Variants in TRAF3 observed in about 807,000 individuals in gnomAD.
The protein encoded by TRAF3 is TNF receptor associated factor 3, also known as TNF receptor-associated factor 3.
TRAF3 carries 13 observed loss-of-function variants against 62.3 expected under a neutral mutation model. The observed-to-expected ratio is 0.21, with a 90% CI of 0.14 to 0.33. The LOEUF is 0.33. Among genes scored for constraint, TRAF3 ranks in the 10% least tolerant of loss-of-function variants. TRAF3 has a pLI of 1.00. For synonymous variants in TRAF3, 269 were observed against 283.4 expected, an observed-to-expected ratio of 0.95 and a Z score of 0.51; for missense variants, 440 against 741.8, an observed-to-expected ratio of 0.59 and a Z score of 4.73.
intron 3 of TRAF3, among the ~76,000 whole-genome samples, chr14:102,870,706 T>A (rs568985249): frequency 2.4e-4 from 36 of 152,056 alleles, no homozygotes; most frequent in Non-Finnish European, 4.9e-4. Flanking sequence ...GTGCCCCTCA[T>A]ATGTGTTGCT....
At chr14:102,804,448 C>T (rs1158629532) in intron 1 of TRAF3, among the ~76,000 whole-genome samples, 1 of 152,106 alleles carries the variant, frequency 6.6e-6, no homozygotes, top group Non-Finnish European at 1.5e-5. Flanking sequence ...TGACTTGTAC[C>T]CTTTCAGAGG....
intron 1 of TRAF3, among the ~76,000 whole-genome samples, chr14:102,798,544 G>T (rs1898222405): frequency 6.6e-6 from 1 of 152,114 alleles, no homozygotes; most frequent in South Asian, 2.1e-4. Context: ...GGAGGCTGAG[G>T]TAGGAGGACA....
At chr14:102,858,451 C>T (rs1010806856) in intron 2 of TRAF3, among the ~76,000 whole-genome samples, 2 of 152,146 alleles carry the variant, frequency 1.3e-5, no homozygotes, top group African/African-American at 4.8e-5. Flanking sequence ...CTGCACCCGG[C>T]CTAAGAACCT....
At chr14:102,865,497 A>ATTTTTTTT (rs558222101) in intron 2 of TRAF3, among the ~76,000 whole-genome samples, 1 of 133,704 alleles carries the variant, frequency 7.5e-6, no homozygotes, top group Non-Finnish European at 1.6e-5. Context: ...GTTAATCTGA[A>ATTTTTTTT]TTTTTTTTTT....
chr14:102,831,649 TC>T (rs1209928795), intron 2 of TRAF3, among the ~76,000 whole-genome samples: 1 of 152,142 alleles, frequency 6.6e-6, no homozygotes, highest in East Asian at 1.9e-4. Context: ...ACCTTCTGTC[TC>T]CCAGCCCCAG....
chr14:102,794,856 T>G (rs796477493), intron 1 of TRAF3, among the ~76,000 whole-genome samples: 25 of 152,334 alleles, frequency 1.6e-4, no homozygotes, highest in African/African-American at 4.1e-4. Context: ...GTATGTCTTA[T>G]CAGCAGCCAT....
intron 1 of TRAF3, among the ~76,000 whole-genome samples, chr14:102,805,460 G>T (rs1033336957): frequency 6.6e-6 from 1 of 152,200 alleles, no homozygotes; most frequent in Non-Finnish European, 1.5e-5. Context: ...TGCCCTCGGT[G>T]AGTGGATTGC....
intron 4 of TRAF3, among the ~76,000 whole-genome samples, chr14:102,874,650 CT>C (rs5811084): frequency 0.011 from 1,598 of 142,846 alleles, 16 homozygotes; most frequent in African/African-American, 0.031. Context: ...TTTTCTTCTT[CT>C]TTTTTTTTTT....
Position 102,906,822 on chromosome 14 carries a change from C to T in TRAF3, c.*1038C>T, listed in dbSNP as rs1182679194. 7 of 152,220 alleles carry T rather than the reference C, an allele frequency of 4.6e-5. No individual in the cohort carries two copies. The highest frequency in any genetic ancestry group is 1.7e-4 in the African/African-American group (7 of 41,446). The allele number at this position is 152,220 out of a possible 1,614,324, so 9.4% of individuals were successfully genotyped here. ...GAGGGAGGCCCGCAGGTGTGTTTCTCCATCCCGTCATCTTGCTGCATGCCG... is the reference window on the plus strand; with the variant it reads ...GAGGGAGGCCCGCAGGTGTGTTTCTTCATCCCGTCATCTTGCTGCATGCCG... On this transcript the variant is annotated 3_prime_UTR_variant, in exon 12 of 12. Transcript: ENST00000392745.
At chr14:102,798,557 T>C (rs1898223171) in intron 1 of TRAF3, among the ~76,000 whole-genome samples, 1 of 152,148 alleles carries the variant, frequency 6.6e-6, no homozygotes, top group South Asian at 2.1e-4. Flanking sequence ...GGAGGACAGC[T>C]TGAATCTGGG....
intron 1 of TRAF3, among the ~76,000 whole-genome samples, chr14:102,789,469 T>G (rs76074611): frequency 1.3e-5 from 2 of 151,884 alleles, no homozygotes; most frequent in Admixed American, 6.6e-5. Context: ...AAATTTATTT[T>G]TTTTGTTTTG....
At chr14:102,876,931 C>T (rs1888700910) in intron 6 of TRAF3, among the ~76,000 whole-genome samples, 1 of 149,510 alleles carries the variant, frequency 6.7e-6, no homozygotes, top group Admixed American at 6.7e-5. Flanking sequence ...CATAGATAAT[C>T]TGTTCCACAG....
At chr14:102,844,024 CTT>C (rs1220665452) in intron 2 of TRAF3, among the ~76,000 whole-genome samples, 3 of 152,170 alleles carry the variant, frequency 2.0e-5, no homozygotes, top group Admixed American at 6.5e-5. Flanking sequence ...CAAAATGTAA[CTT>C]AACTAAAAGT....
intron 1 of TRAF3, among the ~76,000 whole-genome samples, chr14:102,803,978 G>C (rs1274568369): frequency 6.6e-6 from 1 of 152,088 alleles, no homozygotes; most frequent in Non-Finnish European, 1.5e-5. Context: ...CCGGAGGGTC[G>C]CTTGAGCCCA....
rs144151115 is a variant in TRAF3, at chr14:102,840,422, G to T, written c.-18+9950G>T. Among the ~76,000 whole-genome samples, 8 of 151,954 alleles carry T rather than the reference G, an allele frequency of 5.3e-5. No homozygotes were observed. The East Asian group carries it at 1.2e-3, about 22-fold the overall frequency. The stretch of plus-strand genomic sequence containing the variant: ...ATTTTTTATTTTTTTTTGTAGAGTG[G>T]TGTCTCACTGTGTTGCCCATACTGA... On this transcript the variant is annotated intron_variant, in intron 2 of 11. Coordinates refer to ENST00000392745, the MANE Select transcript of TRAF3 (RefSeq NM_145725.3).
chr14:102,875,584 G>A (rs1888600003), intron 4 of TRAF3, 40 bp from the exon 5 acceptor site: 1 of 1,544,610 alleles, frequency 6.5e-7, no homozygotes, highest in Admixed American at 1.7e-5. Flanking sequence ...TGGAGATTAA[G>A]AAATATTAAT....
chr14:102,827,060 C>T (rs1316088490), intron 1 of TRAF3, among the ~76,000 whole-genome samples: 1 of 152,210 alleles, frequency 6.6e-6, no homozygotes, highest in Non-Finnish European at 1.5e-5. Context: ...GAGGACCTCC[C>T]GCACCTGCTG....
At chr14:102,893,369 G>A (rs1287822844) in intron 9 of TRAF3, among the ~76,000 whole-genome samples, 6 of 147,652 alleles carry the variant, frequency 4.1e-5, no homozygotes, top group Admixed American at 6.8e-5. Context: ...CAGCCTGGGC[G>A]ACAGAATGAG....
intron 1 of TRAF3, among the ~76,000 whole-genome samples, chr14:102,792,037 C>A (rs982432188): frequency 1.3e-5 from 2 of 151,474 alleles, no homozygotes; most frequent in South Asian, 4.2e-4. Context: ...CCAGGCTAGT[C>A]CCAAACTCCT....
Sources: allele counts gnomAD v4.1 joint callset (sites outside exome capture counted in the v4.1 genomes callset), GRCh38; gene constraint gnomAD v4.1.1; transcripts MANE v1.5; gene names NCBI Gene and HGNC (gene_info 2026-07-23, HGNC 2026-07-21).